Variants in GRID1 observed in about 807,000 individuals in gnomAD.
GRID1 encodes glutamate ionotropic receptor delta type subunit 1.
In GRID1, 28 loss-of-function variants were observed where a neutral mutation model predicts 98.0. That is an observed-to-expected ratio of 0.29 (90% CI 0.21 to 0.39). The LOEUF is 0.39. GRID1 is among the 10% of genes least tolerant of loss of function. The probability of loss-of-function intolerance (pLI) is 1.00; values close to 1 mark genes in which losing one functional copy is unlikely to be tolerated. For missense variants in GRID1, 1,111 were observed against 1,340.5 expected, an observed-to-expected ratio of 0.83 and a Z score of 2.67; for synonymous variants, 553 against 538.5, an observed-to-expected ratio of 1.03 and a Z score of -0.37.
At chr10:85,850,233 G>C (rs1157947681) in intron 8 of GRID1, among the ~76,000 whole-genome samples, 1 of 152,202 alleles carries the variant, frequency 6.6e-6, no homozygotes, top group Non-Finnish European at 1.5e-5. Context: ...AGTGCCATTA[G>C]GATGGAGAAA....
chr10:85,946,003 T>A (rs950669561), intron 4 of GRID1, among the ~76,000 whole-genome samples: 3 of 151,362 alleles, frequency 2.0e-5, no homozygotes, highest in African/African-American at 4.9e-5. Flanking sequence ...ACAGATAAAA[T>A]ATGTTTAATT....
chr10:85,819,194 A>G (rs1270666264), intron 8 of GRID1, among the ~76,000 whole-genome samples: 1 of 152,238 alleles, frequency 6.6e-6, no homozygotes, highest in Non-Finnish European at 1.5e-5. Flanking sequence ...AATCACCACA[A>G]AAAGCACAAC....
chr10:86,272,725 A>G (rs1564725458), intron 2 of GRID1, among the ~76,000 whole-genome samples: 1 of 152,180 alleles, frequency 6.6e-6, no homozygotes, highest in Non-Finnish European at 1.5e-5. Context: ...ACTGCCTAAG[A>G]CCTGTGAGGA....
intron 2 of GRID1, among the ~76,000 whole-genome samples, chr10:86,245,502 CCATTCCTCCTCTACCATTTGCTTTACT>C: frequency 6.9e-6 from 1 of 145,160 alleles, no homozygotes; most frequent in Non-Finnish European, 1.6e-5. Context: ...TTGCTTTACT[CCATTCCTCCTCTACCATTTGCTTTACT>C]CCATTCCTCC....
intron 4 of GRID1, among the ~76,000 whole-genome samples, chr10:85,954,132 A>T (rs1842159490): frequency 1.3e-5 from 2 of 152,208 alleles, no homozygotes; most frequent in African/African-American, 4.8e-5. Context: ...CAAACATAAA[A>T]TGGTGGAAAG....
chr10:86,221,518 G>GGTT (rs1846254494), intron 2 of GRID1, among the ~76,000 whole-genome samples: 2 of 152,142 alleles, frequency 1.3e-5, no homozygotes. Context: ...TGGGAGTGGT[G>GGTT]GAGGTCCAGC....
At chr10:86,001,320 C>T (rs1842799836) in intron 4 of GRID1, among the ~76,000 whole-genome samples, 1 of 80,760 alleles carries the variant, frequency 1.2e-5, no homozygotes, top group Admixed American at 1.2e-4. Context: ...CAAACAGCAA[C>T]AAAATAAGCA....
intron 12 of GRID1, among the ~76,000 whole-genome samples, chr10:85,715,742 T>C (rs1384020215): frequency 6.6e-6 from 1 of 152,188 alleles, no homozygotes; most frequent in Non-Finnish European, 1.5e-5. Context: ...GAAAACAGTA[T>C]GGCAATTTCT....
intron 8 of GRID1, among the ~76,000 whole-genome samples, chr10:85,737,645 GATAT>G (rs66947723): frequency 0.36 from 34,451 of 95,560 alleles, 6,518 homozygotes; most frequent in African/African-American, 0.53. Flanking sequence ...AGTAAAGCCA[GATAT>G]ATATATATAT....
chr10:85,889,571 ATCCATTCATCTG>A (rs2131808449), intron 5 of GRID1, among the ~76,000 whole-genome samples: 1 of 152,180 alleles, frequency 6.6e-6, no homozygotes, highest in South Asian at 2.1e-4. Context: ...CATTTTCTTT[ATCCATTCATCTG>A]TTGATGGACA....
intron 8 of GRID1, among the ~76,000 whole-genome samples, chr10:85,741,107 T>A (rs1210155675): frequency 1.3e-5 from 2 of 152,182 alleles, no homozygotes; most frequent in Non-Finnish European, 2.9e-5. Flanking sequence ...ATTTGCTCAA[T>A]AAAATCTTGT....
At chr10:86,107,188 C>G (rs545473130) in intron 4 of GRID1, among the ~76,000 whole-genome samples, 22 of 152,234 alleles carry the variant, frequency 1.4e-4, no homozygotes, top group Non-Finnish European at 2.9e-4. Flanking sequence ...TAGGTGGCAC[C>G]ACGGCACACC....
intron 2 of GRID1, among the ~76,000 whole-genome samples, chr10:86,309,348 A>G (rs997212026): frequency 6.6e-6 from 1 of 152,194 alleles, no homozygotes; most frequent in Non-Finnish European, 1.5e-5. Context: ...ACCATAGTAG[A>G]TAAAGTAACT....
intron 12 of GRID1, among the ~76,000 whole-genome samples, chr10:85,661,288 G>A (rs994212687): frequency 4.0e-5 from 6 of 151,876 alleles, no homozygotes; most frequent in African/African-American, 1.5e-4. Flanking sequence ...ACAGAAACCC[G>A]CTGGACAAGA....
intron 2 of GRID1, among the ~76,000 whole-genome samples, chr10:86,338,506 A>T (rs1029841466): frequency 6.6e-6 from 1 of 152,186 alleles, no homozygotes. Context: ...AAGAAACCAC[A>T]GCTGGAATTC....
chr10:86,218,846 T>C (rs532318414), intron 2 of GRID1, among the ~76,000 whole-genome samples: 1 of 152,330 alleles, frequency 6.6e-6, no homozygotes, highest in East Asian at 1.9e-4. Context: ...CCTCAGGACT[T>C]GTGTCTCCCT....
chr10:85,911,273 G>C (rs1265976158), intron 5 of GRID1, among the ~76,000 whole-genome samples: 1 of 152,162 alleles, frequency 6.6e-6, no homozygotes, highest in Non-Finnish European at 1.5e-5. Flanking sequence ...GAGAGAACCA[G>C]TTTTGGGGAG....
intron 5 of GRID1, among the ~76,000 whole-genome samples, chr10:85,901,415 T>G (rs1267842341): frequency 6.6e-6 from 1 of 151,694 alleles, no homozygotes; most frequent in Non-Finnish European, 1.5e-5. Context: ...CCCGGCTAAT[T>G]GTTTTTGTAT....
intron 3 of GRID1, among the ~76,000 whole-genome samples, chr10:86,156,449 G>A (rs1179042998): frequency 6.6e-6 from 1 of 152,164 alleles, no homozygotes; most frequent in Non-Finnish European, 1.5e-5. Context: ...GACAAAGCTG[G>A]TAGGAGACTC....
Sources: gnomAD v4.1 joint callset for allele counts (sites outside exome capture counted in the v4.1 genomes callset) on GRCh38, gnomAD v4.1.1 for gene constraint, MANE v1.5 for transcripts, NCBI Gene and HGNC (gene_info 2026-07-23, HGNC 2026-07-21) for gene names.